The following FAM209B variants were observed in gnomAD, a reference collection of about 807,000 sequenced individuals.
FAM209B encodes protein FAM209B.
FAM209B carries 8 observed loss-of-function variants against 8.9 expected under a neutral mutation model. The ratio of observed to expected loss-of-function variants is 0.90; its 90% confidence interval spans 0.53 to 1.62. The LOEUF is 1.62. Among genes scored for constraint, FAM209B ranks in the 40% most tolerant of loss-of-function variants. FAM209B has a pLI of 0.00. For missense variants in FAM209B, 175 were observed against 205.3 expected (o/e 0.85, Z 0.90); for synonymous variants, 67 against 75.0 (o/e 0.89, Z 0.55).
rs1008346714 is a variant in FAM209B, at chr20:56,536,102, A to G, written c.250-70A>G. On this transcript the variant is annotated intron_variant, in intron 1 of 1. Coordinates refer to ENST00000371325, the MANE Select transcript of FAM209B (RefSeq NM_001013646.4). ...AACCATCTTTTCTTAAATGAGCCCA[A>G]CTGTCTTGGAACTGTGTCAAAACCA... The G allele has an allele frequency of 5.1e-5, 67 of 1,322,372 alleles. No individual in the cohort carries two copies. In the African/African-American group the frequency reaches 7.6e-4, roughly 15 times the overall value. The allele number at this position is 1,322,372 out of a possible 1,614,324, so 81.9% of individuals were successfully genotyped here.
rs374341427 is a variant in FAM209B at position 56,533,307 on chromosome 20, G to A, written c.-35G>A. 3.1e-4 allele frequency: 495 copies of A among 1,610,730 alleles called. No homozygotes were observed. In the African/African-American group the frequency reaches 5.5e-3, roughly 18 times the overall value. ...TCCAGTTGCGAGGGCAAGCAAACCC[G>A]TCATGAGCAACTCCCTTCCCCATCT... On this transcript the variant is annotated 5_prime_UTR_variant, in exon 1 of 2. Transcript: ENST00000371325.
intron 1 of FAM209B, among the ~76,000 whole-genome samples, chr20:56,534,620 C>T (rs1051475073): frequency 6.7e-6 from 1 of 148,888 alleles, no homozygotes; most frequent in East Asian, 2.0e-4. Flanking sequence ...TAGTGGCGGG[C>T]GCCTGTAATC....
In FAM209B at chr20:56,533,256, A is replaced by C; in HGVS notation, c.-86A>C. ...GCTCAGGGCCTCTGTGACATCACCA[A>C]GGGCCTGGCACCAGGTGCCCAGTCT... On this transcript the variant is annotated 5_prime_UTR_variant, in exon 1 of 2. Coordinates refer to ENST00000371325, the MANE Select transcript of FAM209B (RefSeq NM_001013646.4). 6.3e-7 allele frequency: 1 copy of C among 1,582,006 alleles called. No individual in the cohort carries two copies. The highest frequency in any genetic ancestry group is 8.6e-7 in the Non-Finnish European group (1 of 1,163,890).
At chr20:56,534,274 A>G (rs1480219439) in intron 1 of FAM209B, among the ~76,000 whole-genome samples, 1 of 152,200 alleles carries the variant, frequency 6.6e-6, no homozygotes, top group Non-Finnish European at 1.5e-5. Context: ...TTCCTGAGCT[A>G]AATGGAAATG....
At position 56,533,542 on chromosome 20, in the gene FAM209B, T is replaced by C. The variant is rs1443630062; in HGVS notation, c.201T>C (p.Val67=). 1.2e-6 allele frequency: 2 copies of C among 1,614,050 alleles called. No individual in the cohort carries two copies. The highest frequency in any genetic ancestry group is 4.5e-5 in the East Asian group (2 of 44,888). Residue 67 remains valine (V), a synonymous_variant, in exon 1 of 2, where the codon GTT becomes GTC. Transcript: ENST00000371325. ...GSKWLWLLFA[V]VPFVILQCQR... is the part of the protein sequence containing the mutation. ...AATGGCTCTGGCTTTTGTTTGCTGT[T>C]GTGCCGTTTGTGATACTGCAGTGTC...
chr20:56,534,431 A>G (rs905231040), intron 1 of FAM209B, among the ~76,000 whole-genome samples: 5 of 151,932 alleles, frequency 3.3e-5, no homozygotes, highest in Non-Finnish European at 7.4e-5. Flanking sequence ...CCTGGCCAAC[A>G]TGGTGAAACC....
intron 1 of FAM209B, among the ~76,000 whole-genome samples, chr20:56,534,706 C>G (rs191956735): frequency 7.7e-6 from 1 of 130,240 alleles, no homozygotes; most frequent in Admixed American, 8.6e-5. Flanking sequence ...CGAGATGGAG[C>G]CACTGCACTC....
At position 56,536,212 on chromosome 20, in the gene FAM209B, C is replaced by A. The variant is rs1985964966; in HGVS notation, c.290C>A (p.Thr97Asn). Residue 97 changes from threonine (T) to asparagine (N), a missense_variant, in exon 2 of 2, where the codon ACT becomes AAT. Physicochemically the swap from Thr to Asn is moderately conservative, Grantham distance 65 (BLOSUM62 0). Coordinates refer to ENST00000371325, the MANE Select transcript of FAM209B (RefSeq NM_001013646.4). ...GGCCTTCGAGGCTTCCCATTTCGCACTCCACTAAAGAAAAATCAAAATGCT... is the reference window on the plus strand; with the variant it reads ...GGCCTTCGAGGCTTCCCATTTCGCAATCCACTAAAGAAAAATCAAAATGCT... ...PPGLRGFPFR[T>N]PLKKNQNASL... 6.3e-7 allele frequency: 1 copy of A among 1,578,874 alleles called. No homozygotes were observed. Among genetic ancestry groups the A allele is most frequent in the East Asian group, 2.3e-5 (1 of 44,374 alleles).
In FAM209B at chr20:56,536,361, C is replaced by T. The variant is rs1192441862; in HGVS notation, c.439C>T (p.Leu147Phe). The change falls in exon 2 of 2, where the codon CTT (leucine) becomes TTT (phenylalanine). Residue 147 changes from leucine (L) to phenylalanine (F), a missense_variant. Around this residue, in one of 2 missense-constraint regions of FAM209B, gnomAD observed 166 missense variants for 174.5 expected, o/e 0.95. Transcript: ENST00000371325. ...MATGSGSNLKLRRSEMPADPY... is the reference protein window; with the variant it reads ...MATGSGSNLKFRRSEMPADPY... Reference sequence around the variant, plus strand: ...AACAGGCAGTGGCAGTAACCTCAAGCTTCGAAGGTCAGAGATGCCTGCAGA... The same window carrying T: ...AACAGGCAGTGGCAGTAACCTCAAGTTTCGAAGGTCAGAGATGCCTGCAGA... 1 of 1,614,114 alleles carries T rather than the reference C, an allele frequency of 6.2e-7. No individual in the cohort carries two copies. Among genetic ancestry groups the T allele is most frequent in the Non-Finnish European group, 8.5e-7 (1 of 1,180,012 alleles).
chr20:56,533,326 C>T lies in FAM209B; in HGVS notation c.-16C>T. The T allele has an allele frequency of 6.2e-7, 1 of 1,613,088 alleles. No homozygotes were observed. The highest frequency in any genetic ancestry group is 8.5e-7 in the Non-Finnish European group (1 of 1,179,108). ...AAACCCGTCATGAGCAACTCCCTTC[C>T]CCATCTCTGCTCACCATGTGGACGC... is the stretch of plus-strand genomic sequence containing the variant. On this transcript the variant is annotated 5_prime_UTR_variant, in exon 1 of 2. Coordinates refer to ENST00000371325, the MANE Select transcript of FAM209B (RefSeq NM_001013646.4).
At chr20:56,536,062 C>T in intron 1 of FAM209B, 110 bp from the exon 2 acceptor site, 1 of 953,228 alleles carries the variant, frequency 1.0e-6, no homozygotes, top group South Asian at 2.7e-5. Flanking sequence ...AGTGCCTGCA[C>T]TCGAGCACTG....
chr20:56,533,860 T>C (rs1286761754), intron 1 of FAM209B, among the ~76,000 whole-genome samples: 1 of 152,072 alleles, frequency 6.6e-6, no homozygotes, highest in Non-Finnish European at 1.5e-5. Context: ...AAATGTAGGA[T>C]AGATTCAAGA....
chr20:56,533,703 A>G, intron 1 of FAM209B, 113 bp downstream of exon 1: 7 of 1,462,610 alleles, frequency 4.8e-6, no homozygotes, highest in Non-Finnish European at 6.5e-6. Context: ...AACCGACCTC[A>G]TGGTCCTGGG....
chr20:56,536,298 T>G lies in FAM209B; in HGVS notation c.376T>G (p.Phe126Val). ...CGAACTTGAAGTGGAGCTTTTGAAA[T>G]TTGTGTCCGAAGTGCAGAATCTTAA... ...LNELEVELLK[F>V]VSEVQNLKGA... Residue 126 changes from phenylalanine to valine, a missense_variant, in exon 2 of 2, where the codon TTT (phenylalanine) becomes GTT (valine). Phe to Val is a conservative substitution (Grantham distance 50, BLOSUM62 -1). Coordinates refer to ENST00000371325, the MANE Select transcript of FAM209B (RefSeq NM_001013646.4). 1 of 1,613,720 alleles carries G rather than the reference T, an allele frequency of 6.2e-7. No homozygotes were observed.
Position 56,536,179 on chromosome 20 carries a change from G to A in FAM209B, c.257G>A (p.Ser86Asn). 1.3e-6 allele frequency: 2 copies of A among 1,539,994 alleles called. No homozygotes were observed. The highest frequency in any genetic ancestry group is 1.7e-6 in the Non-Finnish European group (2 of 1,145,346). Residue 86 changes from serine to asparagine, a missense_variant, in exon 2 of 2, where the codon AGT becomes AAT. Physicochemically the swap from Ser to Asn is conservative, Grantham distance 46. Coordinates refer to ENST00000371325, the MANE Select transcript of FAM209B (RefSeq NM_001013646.4). ...GAATATCTTTCTTGACAGGAGCAGA[G>A]TCCTCCTGGCCTTCGAGGCTTCCCA... Reference protein sequence around the residue: ...QRDSEKNKEQSPPGLRGFPFR... With the variant: ...QRDSEKNKEQNPPGLRGFPFR...
rs1170880367 is a variant in FAM209B, at chr20:56,533,299, G to A, written c.-43G>A. 31 of 1,606,460 alleles carry A rather than the reference G, an allele frequency of 1.9e-5. No homozygotes were observed. The highest frequency in any genetic ancestry group is 2.6e-5 in the Non-Finnish European group (31 of 1,174,704). On this transcript the variant is annotated 5_prime_UTR_variant, in exon 1 of 2. Coordinates refer to ENST00000371325, the MANE Select transcript of FAM209B (RefSeq NM_001013646.4). Reference sequence around the variant, plus strand: ...CCCAGTCTTCCAGTTGCGAGGGCAAGCAAACCCGTCATGAGCAACTCCCTT... The same window carrying A: ...CCCAGTCTTCCAGTTGCGAGGGCAAACAAACCCGTCATGAGCAACTCCCTT...
At chr20:56,535,070 A>G (rs1248561455) in intron 1 of FAM209B, among the ~76,000 whole-genome samples, 1 of 148,270 alleles carries the variant, frequency 6.7e-6, no homozygotes, top group Non-Finnish European at 1.5e-5. Context: ...AAAAATACAG[A>G]AATTAGCCAG....
chr20:56,533,475 G>T lies in FAM209B; in HGVS notation c.134G>T (p.Arg45Leu). The T allele has an allele frequency of 6.2e-7, 1 of 1,614,110 alleles. No individual in the cohort carries two copies. The highest frequency in any genetic ancestry group is 8.5e-7 in the Non-Finnish European group (1 of 1,180,018). The change falls in exon 1 of 2, where the codon CGG becomes CTG. Residue 45 changes from arginine to leucine, a missense_variant. Arg to Leu is a moderately radical substitution (Grantham distance 102, BLOSUM62 -2). Coordinates refer to ENST00000371325, the MANE Select transcript of FAM209B (RefSeq NM_001013646.4). ...CCGTGTGGAGAGCACTTTCGGATTC[G>T]GCAGAACCTACCAGAGCACACCCAA... ...KVPCGEHFRI[R>L]QNLPEHTQGW...
chr20:56,533,714 C>A (rs1273409448), intron 1 of FAM209B, 124 bp downstream of exon 1: 2 of 1,315,898 alleles, frequency 1.5e-6, no homozygotes, highest in African/African-American at 1.5e-5. Context: ...TGGTCCTGGG[C>A]AAAGCTGGCA....
Sources: gnomAD v4.1 joint callset for allele counts (sites outside exome capture counted in the v4.1 genomes callset) on GRCh38, gnomAD v4.1.1 for gene constraint, gnomAD v4.1.1 regional missense constraint, MANE v1.5 for transcripts, NCBI Gene and HGNC (gene_info 2026-07-23, HGNC 2026-07-21) for gene names.